MUC6: variants seen among roughly 807,000 people sequenced by gnomAD.
MUC6 encodes the protein mucin 6, oligomeric mucus/gel-forming (gene/pseudogene).
MUC6 carries 188 observed loss-of-function variants against 201.5 expected under a neutral mutation model. The observed-to-expected ratio is 0.93, with a 90% CI of 0.83 to 1.05. The LOEUF (loss-of-function observed/expected upper bound fraction) is 1.05, where lower values mean the gene tolerates loss of function less well. Ranked by LOEUF, MUC6 falls within the 50% of genes least tolerant of loss-of-function variation. The pLI is 0.00. For missense variants in MUC6, 2,706 were observed against 3,256.9 expected (o/e 0.83, Z 4.12); for synonymous variants, 1,228 against 1,389.4 (o/e 0.88, Z 2.58).
chr11:1,036,025 C>G (rs971115367), intron 1 of MUC6, among the ~76,000 whole-genome samples: 1 of 152,110 alleles, frequency 6.6e-6, no homozygotes, highest in African/African-American at 2.4e-5. Flanking sequence ...GGATCCTGCC[C>G]GAGCTGGGTA....
chr11:1,035,783 C>T (rs1286026217), intron 1 of MUC6, among the ~76,000 whole-genome samples: 6 of 152,088 alleles, frequency 3.9e-5, no homozygotes, highest in East Asian at 3.9e-4. Context: ...AGGGGGCTCC[C>T]GGCTGTGGAG....
chr11:1,015,999 A>G lies in MUC6; in HGVS notation c.6802T>C (p.Ser2268Pro), dbSNP rs1291599400. Residue 2268 changes from serine to proline, a missense_variant, in exon 31 of 33, where the codon TCC becomes CCC. This residue lies in a region of MUC6 where 586 missense variants were observed against 488.0 expected (regional missense o/e 1.20). Transcript: ENST00000421673. ...AGAGAAGTGGACCGCGAGGTGGTGG[A>G]CTGAGAGGAGAAGGCAGGGGCGGTG... ...THTAPAFSSQ[S>P]TTSRSTSLTT... 1.1e-5 allele frequency: 18 copies of G among 1,603,184 alleles called. No homozygotes were observed. The highest frequency in any genetic ancestry group is 1.7e-5 in the Admixed American group (1 of 59,664).
chr11:1,036,528 A>G, intron 1 of MUC6, 76 bp downstream of exon 1: 3 of 1,492,324 alleles, frequency 2.0e-6, no homozygotes, highest in Non-Finnish European at 2.7e-6. Context: ...TGTCGAGGCG[A>G]GAAGGCCCAG....
intron 29 of MUC6, 190 bp downstream of exon 29, chr11:1,019,900 C>A: frequency 1.3e-6 from 1 of 790,992 alleles, no homozygotes; most frequent in Non-Finnish European, 2.1e-6. Flanking sequence ...CATGCCATGA[C>A]CAGCTTGTCT....
chr11:1,027,931 C>A, intron 15 of MUC6, 34 bp downstream of exon 15: 4 of 1,562,374 alleles, frequency 2.6e-6, no homozygotes, highest in Non-Finnish European at 3.5e-6. Flanking sequence ...ACAGCCTCCC[C>A]TGCAGCCCTC....
intron 4 of MUC6, 135 bp downstream of exon 4, chr11:1,031,472 G>A: frequency 7.1e-7 from 1 of 1,410,294 alleles, no homozygotes; most frequent in Non-Finnish European, 9.5e-7. Flanking sequence ...GGTCAGCACT[G>A]CTTGGCACGA....
At position 1,027,715 on chromosome 11, in the gene MUC6, AGAGCAGGACGCCCCGCAAG is replaced by A; in HGVS notation, c.1932_1950del (p.Leu645GlyfsTer59). On this transcript the variant is annotated frameshift_variant, in exon 16 of 33. Coordinates refer to ENST00000421673, the MANE Select transcript of MUC6 (RefSeq NM_005961.3). LOFTEE classifies it high-confidence loss of function. ...TTGTCCACACTGCTTCTCCAGCCCC[AGAGCAGGACGCCCCGCAAG>A]GAGCAGGCGTGTACGTAGTCGCCCA... 2 of 1,605,382 alleles carry A rather than the reference AGAGCAGGACGCCCCGCAAG, an allele frequency of 1.2e-6. No homozygotes were observed. The highest frequency in any genetic ancestry group is 1.7e-6 in the Non-Finnish European group (2 of 1,176,644).
intron 1 of MUC6, among the ~76,000 whole-genome samples, chr11:1,035,506 C>T (rs999502718): frequency 1.1e-4 from 16 of 148,562 alleles, no homozygotes; most frequent in African/African-American, 4.0e-4. Context: ...TGGTAGGGAG[C>T]GGGCTCAGAG....
In MUC6 at chr11:1,030,281, A is replaced by C; in HGVS notation, c.947T>G (p.Val316Gly). The C allele has an allele frequency of 6.5e-7, 1 of 1,549,696 alleles. No individual in the cohort carries two copies. The highest frequency in any genetic ancestry group is 8.7e-7 in the Non-Finnish European group (1 of 1,146,924). ...GTGCTGCGGGTTGGAGCAGGTCTTC[A>C]CGCAGGCCGAGCCGCACTCCTGGTA... ...QVYQECGSAC[V>G]KTCSNPQHSC... The change falls in exon 8 of 33, where the codon GTG (valine) becomes GGG (glycine). Residue 316 changes from valine (V) to glycine (G), a missense_variant. Val to Gly is a moderately radical substitution (Grantham distance 109, BLOSUM62 -3). Around this residue, in one of 10 missense-constraint regions of MUC6, gnomAD observed 1,850 missense variants for 1,958.3 expected, o/e 0.94. Coordinates refer to ENST00000421673, the MANE Select transcript of MUC6 (RefSeq NM_005961.3).
Position 1,036,106 on chromosome 11 carries a change from C to A in MUC6, c.52+498G>T, listed in dbSNP as rs887288222. Among the ~76,000 whole-genome samples the A allele has an allele frequency of 1.8e-4, 27 of 152,202 alleles. 1 individual carries two copies. Among genetic ancestry groups the A allele is most frequent in the African/African-American group, 6.5e-4 (27 of 41,524 alleles). On this transcript the variant is annotated intron_variant, in intron 1 of 32. Transcript: ENST00000421673. ...CCAGGATGGCCGTACACCTTCCCCC[C>A]TCTTCCCCCCACGGCGGCCACACCA...
At chr11:1,021,156 G>C (rs142683328) in intron 27 of MUC6, 59 bp downstream of exon 27, 3 of 1,450,426 alleles carry the variant, frequency 2.1e-6, no homozygotes, top group African/African-American at 2.9e-5. Flanking sequence ...GGATGTGGAC[G>C]TGCGTTCTGC....
Position 1,029,382 on chromosome 11 carries a change from G to A in MUC6, c.1137-16C>T. Reference sequence around the variant, plus strand: ...GGTGCACCGGCTGTGGGTGGGCGTGGGGGTAGCGGCATGGTGGGCAGGGCC... The same window carrying A: ...GGTGCACCGGCTGTGGGTGGGCGTGAGGGTAGCGGCATGGTGGGCAGGGCC... On this transcript the variant is annotated splice_polypyrimidine_tract_variant and intron_variant, in intron 9 of 32. Coordinates refer to ENST00000421673, the MANE Select transcript of MUC6 (RefSeq NM_005961.3). 1 of 1,594,026 alleles carries A rather than the reference G, an allele frequency of 6.3e-7. No homozygotes were observed. Among genetic ancestry groups the A allele is most frequent in the Non-Finnish European group, 8.5e-7 (1 of 1,170,572 alleles).
In MUC6 at chr11:1,030,678, G is replaced by T. The variant is rs757433144; in HGVS notation, c.787C>A (p.Gln263Lys). 3.2e-6 allele frequency: 5 copies of T among 1,549,592 alleles called. No homozygotes were observed. The South Asian group carries it at 4.7e-5, about 15-fold the overall frequency. The change falls in exon 7 of 33, where the codon CAG becomes AAG. Residue 263 changes from glutamine (Q) to lysine (K), a missense_variant. Physicochemically the swap from Gln to Lys is moderately conservative, Grantham distance 53. Transcript: ENST00000421673. Reference sequence around the variant, plus strand: ...CAACTGCTGTTCTGTGGGCCTGGCTGGGGGGCTGCGGCCACGTCCGCCTGG... The same window carrying T: ...CAACTGCTGTTCTGTGGGCCTGGCTTGGGGGCTGCGGCCACGTCCGCCTGG... Reference protein sequence around the residue: ...SCQADVAAAPQPGPQNSSCAT... With the variant: ...SCQADVAAAPKPGPQNSSCAT...
At chr11:1,019,897 T>C (rs377748564) in intron 29 of MUC6, 193 bp downstream of exon 29, 3 of 780,148 alleles carry the variant, frequency 3.8e-6, no homozygotes, top group Admixed American at 2.2e-5. Context: ...CCCCATGCCA[T>C]GACCAGCTTG....
chr11:1,026,906 C>G, intron 19 of MUC6, 35 bp downstream of exon 19: 1 of 1,509,918 alleles, frequency 6.6e-7, no homozygotes, highest in Non-Finnish European at 9.0e-7. Context: ...AGCTGGGGCC[C>G]GGGCATTGTC....
At position 1,018,560 on chromosome 11, in the gene MUC6, C is replaced by T. The variant is rs1339623575; in HGVS notation, c.4241G>A (p.Ser1414Asn). The change falls in exon 31 of 33, where the codon AGT (serine) becomes AAT (asparagine). Residue 1414 changes from serine (S) to asparagine (N), a missense_variant. Transcript: ENST00000421673. ...GACAGGACCTGTGGAAGGGACGGGA[C>T]TCCCCGCCGTAGGCGGGGAGTGTGT... is the stretch of plus-strand genomic sequence containing the variant. The part of the protein sequence containing the change: ...HTTHSPPTAG[S>N]PVPSTGPVTA... 3 of 1,599,230 alleles carry T rather than the reference C, an allele frequency of 1.9e-6. No individual in the cohort carries two copies. Among genetic ancestry groups the T allele is most frequent in the Non-Finnish European group, 2.6e-6 (3 of 1,172,212 alleles).
In MUC6 at chr11:1,033,034, G is replaced by C. The variant is rs774463689; in HGVS notation, c.94C>G (p.Leu32Val). 6 of 1,606,642 alleles carry C rather than the reference G, an allele frequency of 3.7e-6. No individual in the cohort carries two copies. In the African/African-American group the frequency reaches 6.7e-5, roughly 18 times the overall value. ...TTACCTGTCTGTGGAGAGTCCTTCAGCCTCTGGAGGCCTGGGCTGGTGTAG... is the reference window on the plus strand; with the variant it reads ...TTACCTGTCTGTGGAGAGTCCTTCACCCTCTGGAGGCCTGGGCTGGTGTAG... ...TSYTSPGLQR[L>V]KDSPQTAPDK... is the part of the protein sequence containing the mutation. The change falls in exon 2 of 33, where the codon CTG (leucine) becomes GTG (valine). Residue 32 changes from leucine (L) to valine (V), a missense_variant. Physicochemically the swap from Leu to Val is conservative, Grantham distance 32. Transcript: ENST00000421673. The surrounding 1 kb of genome is among the most constrained non-coding windows in gnomAD (Gnocchi z 5.6).
At chr11:1,019,631 C>T (rs935086396) in intron 29 of MUC6, 135 bp from the exon 30 acceptor site, 11 of 804,238 alleles carry the variant, frequency 1.4e-5, no homozygotes, top group Admixed American at 4.5e-5. Context: ...GGGGCTCTTC[C>T]TCTTGCCTTT....
intron 22 of MUC6, among the ~76,000 whole-genome samples, 189 bp from the exon 23 acceptor site, chr11:1,025,556 G>A (rs1316445268): frequency 1.3e-5 from 2 of 152,218 alleles, no homozygotes; most frequent in African/African-American, 4.8e-5. Flanking sequence ...GCTGAAGCTC[G>A]GGCTTCCTGG....
Sources: gnomAD v4.1 joint callset for allele counts (sites outside exome capture counted in the v4.1 genomes callset) on GRCh38, gnomAD v4.1.1 for gene constraint, gnomAD v4.1.1 regional missense constraint, Gnocchi (gnomAD v3.1) non-coding constraint, MANE v1.5 for transcripts, NCBI Gene and HGNC (gene_info 2026-07-23, HGNC 2026-07-21) for gene names.